Variants in CAMK4 observed in about 807,000 individuals in gnomAD.
The protein encoded by CAMK4 is calcium/calmodulin-dependent protein kinase type IV.
A neutral mutation model predicts 44.9 loss-of-function variants in CAMK4; 22 were observed. The ratio of observed to expected loss-of-function variants is 0.49; its 90% confidence interval spans 0.35 to 0.70. The LOEUF is 0.70. CAMK4 is among the 30% of genes least tolerant of loss of function. The probability of loss-of-function intolerance (pLI) is 0.01; values close to 1 mark genes in which losing one functional copy is unlikely to be tolerated. For missense variants in CAMK4, 498 were observed against 586.8 expected (o/e 0.85, Z 1.56); for synonymous variants, 218 against 215.4 (o/e 1.01, Z -0.11).
At chr5:111,474,637 G>T (rs1755174900) in intron 8 of CAMK4, among the ~76,000 whole-genome samples, 1 of 152,036 alleles carries the variant, frequency 6.6e-6, no homozygotes, top group South Asian at 2.1e-4. Context: ...TTTAATTAAA[G>T]TTGTTTTTAA....
chr5:111,245,853 A>G (rs895892380), intron 1 of CAMK4, among the ~76,000 whole-genome samples: 1 of 152,252 alleles, frequency 6.6e-6, no homozygotes, highest in African/African-American at 2.4e-5. Flanking sequence ...CAAACCTATC[A>G]GCCACAGGAG....
intron 1 of CAMK4, among the ~76,000 whole-genome samples, chr5:111,324,059 G>A (rs941914455): frequency 5.3e-5 from 8 of 151,792 alleles, no homozygotes; most frequent in Admixed American, 3.3e-4. Flanking sequence ...TAATCCTGAG[G>A]ACAACCACTA....
At chr5:111,362,660 T>C (rs935888937) in intron 2 of CAMK4, among the ~76,000 whole-genome samples, 1 of 152,012 alleles carries the variant, frequency 6.6e-6, no homozygotes, top group East Asian at 1.9e-4. Flanking sequence ...CCTGACAACA[T>C]GAATCTTAAA....
At chr5:111,446,604 AT>A (rs1327843500) in intron 5 of CAMK4, 81 bp from the exon 6 acceptor site, 2 of 727,582 alleles carry the variant, frequency 2.7e-6, no homozygotes, top group South Asian at 1.8e-5. Context: ...CACATAACTT[AT>A]AGTTCTTAAA....
chr5:111,395,940 C>T (rs1052920736), intron 5 of CAMK4, among the ~76,000 whole-genome samples: 3 of 151,970 alleles, frequency 2.0e-5, no homozygotes, highest in African/African-American at 4.8e-5. Flanking sequence ...CTCTATTATT[C>T]GGAGTTAGTT....
intron 1 of CAMK4, among the ~76,000 whole-genome samples, chr5:111,231,353 CTTG>C (rs1243979693): frequency 6.6e-6 from 1 of 152,122 alleles, no homozygotes; most frequent in Non-Finnish European, 1.5e-5. Flanking sequence ...CAGGAAATTC[CTTG>C]TTGTGGGGGC....
chr5:111,481,098 G>A (rs528514954), intron 9 of CAMK4, among the ~76,000 whole-genome samples: 6 of 152,260 alleles, frequency 3.9e-5, no homozygotes, highest in African/African-American at 1.4e-4. Flanking sequence ...TAATAATTCA[G>A]TTAGGATTGT....
At chr5:111,233,037 A>C (rs1310574282) in intron 1 of CAMK4, among the ~76,000 whole-genome samples, 1 of 152,212 alleles carries the variant, frequency 6.6e-6, no homozygotes, top group Non-Finnish European at 1.5e-5. Flanking sequence ...ACTTTCATAT[A>C]ATTTTCACAT....
At chr5:111,480,286 A>ACACACACACACC (rs1163614814) in intron 9 of CAMK4, among the ~76,000 whole-genome samples, 109 of 148,980 alleles carry the variant, frequency 7.3e-4, no homozygotes, top group Middle Eastern at 3.4e-3. Context: ...ACACACACAC[A>ACACACACACACC]CACCCCTGGG....
chr5:111,456,403 A>G (rs568552998), intron 7 of CAMK4, among the ~76,000 whole-genome samples: 1 of 152,210 alleles, frequency 6.6e-6, no homozygotes, highest in South Asian at 2.1e-4. Context: ...AGGCAGGAGA[A>G]TGGCGTGAAC....
chr5:111,360,411 C>CTG (rs1366601175), intron 2 of CAMK4, among the ~76,000 whole-genome samples: 1 of 152,044 alleles, frequency 6.6e-6, no homozygotes, highest in Non-Finnish European at 1.5e-5. Flanking sequence ...CTACAGATGA[C>CTG]TAGGGACAGA....
In CAMK4 at chr5:111,295,780, A is replaced by G. The variant is rs141526298; in HGVS notation, c.162-48244A>G. Among the ~76,000 whole-genome samples, 733 of 152,332 alleles carry G rather than the reference A, an allele frequency of 4.8e-3. 5 individuals carry two copies. The highest frequency in any genetic ancestry group is 0.017 in the African/African-American group (689 of 41,584). ...TGTTGTCTAGTGGTTAGGAGAATGGAAAGAGCAGAAAATGAGAGGGGAACA... is the reference window on the plus strand; with the variant it reads ...TGTTGTCTAGTGGTTAGGAGAATGGGAAGAGCAGAAAATGAGAGGGGAACA... On this transcript the variant is annotated intron_variant, in intron 1 of 10. Transcript: ENST00000282356.
At chr5:111,399,565 A>T (rs1328313729) in intron 5 of CAMK4, among the ~76,000 whole-genome samples, 1 of 152,224 alleles carries the variant, frequency 6.6e-6, no homozygotes, top group Non-Finnish European at 1.5e-5. Flanking sequence ...GGAGCTCAAT[A>T]AACACTTACT....
chr5:111,346,178 A>G (rs113137718), intron 2 of CAMK4, among the ~76,000 whole-genome samples: 4 of 152,082 alleles, frequency 2.6e-5, no homozygotes, highest in African/African-American at 9.6e-5. Flanking sequence ...ATGAAGCCTA[A>G]GAATCTGTTT....
intron 1 of CAMK4, among the ~76,000 whole-genome samples, chr5:111,259,659 AT>A (rs1159774407): frequency 1.7e-4 from 26 of 152,196 alleles, no homozygotes; most frequent in Non-Finnish European, 2.8e-4. Context: ...TGCCAAACTT[AT>A]ATGTGGTATC....
At chr5:111,387,180 A>G (rs1751634891) in intron 4 of CAMK4, among the ~76,000 whole-genome samples, 1 of 152,206 alleles carries the variant, frequency 6.6e-6, no homozygotes, top group South Asian at 2.1e-4. Flanking sequence ...ATACCAGCCA[A>G]AATTATCCCT....
intron 1 of CAMK4, among the ~76,000 whole-genome samples, chr5:111,239,805 T>A (rs1168161380): frequency 1.3e-5 from 2 of 152,218 alleles, no homozygotes; most frequent in East Asian, 3.8e-4. Flanking sequence ...TAGCACACTT[T>A]CTCAAAAATG....
Position 111,484,041 on chromosome 5 carries a change from G to A in CAMK4, c.997G>A (p.Val333Met), listed in dbSNP as rs1755522614. 6.3e-7 allele frequency: 1 copy of A among 1,592,288 alleles called. No homozygotes were observed. The highest frequency in any genetic ancestry group is 1.7e-5 in the Admixed American group (1 of 57,890). ...TTCCAATCAGGCAGCGGTGAAGGCT[G>A]TGGTGGCCTCTTCGCGCCTGGGAAG... ...RRKLKAAVKAVVASSRLGSAS... is the reference protein window; with the variant it reads ...RRKLKAAVKAMVASSRLGSAS... The change falls in exon 11 of 11, where the codon GTG becomes ATG. Residue 333 changes from valine (V) to methionine (M), a missense_variant. Physicochemically the swap from Val to Met is conservative, Grantham distance 21 (BLOSUM62 1). Coordinates refer to ENST00000282356, the MANE Select transcript of CAMK4 (RefSeq NM_001744.6). The surrounding 1 kb of genome is among the most constrained non-coding windows in gnomAD (Gnocchi z 5.3).
At chr5:111,374,959 G>C in intron 3 of CAMK4, 47 bp downstream of exon 3, 1 of 1,306,902 alleles carries the variant, frequency 7.7e-7, no homozygotes, top group Non-Finnish European at 1.1e-6. Context: ...CAGAGCTAGA[G>C]AAAGGGACCT....
Sources: gnomAD v4.1 joint callset for allele counts (sites outside exome capture counted in the v4.1 genomes callset) on GRCh38, gnomAD v4.1.1 for gene constraint, Gnocchi (gnomAD v3.1) non-coding constraint, MANE v1.5 for transcripts, NCBI Gene and HGNC (gene_info 2026-07-23, HGNC 2026-07-21) for gene names.